Variants in NSMCE2 observed in about 807,000 individuals in gnomAD.
NSMCE2 encodes the protein NSE2 SUMO ligase component of SMC5/6 complex, also known as E3 SUMO-protein ligase NSE2.
NSMCE2 carries 24 observed loss-of-function variants against 23.8 expected under a neutral mutation model. That is an observed-to-expected ratio of 1.01 (90% CI 0.73 to 1.42). NSMCE2 has a LOEUF of 1.42. Among genes scored for constraint, NSMCE2 ranks in the 40% most tolerant of loss-of-function variants. The pLI is 0.00. For missense variants in NSMCE2, 284 were observed against 296.5 expected, an observed-to-expected ratio of 0.96 and a Z score of 0.31; for synonymous variants, 92 against 94.1, an observed-to-expected ratio of 0.98 and a Z score of 0.13.
chr8:125,119,311 T>C (rs1464518297), intron 3 of NSMCE2, among the ~76,000 whole-genome samples: 1 of 152,236 alleles, frequency 6.6e-6, no homozygotes, highest in Non-Finnish European at 1.5e-5. Flanking sequence ...TGTGTTCCCC[T>C]GTTTGCTAAG....
At chr8:125,336,507 G>C (rs1830066917) in intron 5 of NSMCE2, among the ~76,000 whole-genome samples, 1 of 152,214 alleles carries the variant, frequency 6.6e-6, no homozygotes, top group Admixed American at 6.5e-5. Context: ...TATATGCAGA[G>C]TCAGAAGCTA....
intron 3 of NSMCE2, among the ~76,000 whole-genome samples, chr8:125,146,893 TA>T (rs1028920008): frequency 2.6e-5 from 4 of 151,124 alleles, no homozygotes; most frequent in African/African-American, 7.3e-5. Context: ...ACTTAAAGTA[TA>T]AAAAAAACAA....
chr8:125,348,042 T>C (rs1812851593), intron 5 of NSMCE2, among the ~76,000 whole-genome samples: 1 of 152,218 alleles, frequency 6.6e-6, no homozygotes, highest in African/African-American at 2.4e-5. Flanking sequence ...CCTTCCACAG[T>C]ATCTTGTATA....
intron 4 of NSMCE2, among the ~76,000 whole-genome samples, chr8:125,175,693 G>C (rs1822451576): frequency 6.6e-6 from 1 of 152,098 alleles, no homozygotes; most frequent in African/African-American, 2.4e-5. Flanking sequence ...CCCTCCCAGT[G>C]AAACGATGGT....
chr8:125,201,825 T>C (rs1269793524), intron 5 of NSMCE2, among the ~76,000 whole-genome samples: 1 of 152,254 alleles, frequency 6.6e-6, no homozygotes, highest in Non-Finnish European at 1.5e-5. Flanking sequence ...GCAGTAGCCC[T>C]TGATGAGCTG....
intron 5 of NSMCE2, among the ~76,000 whole-genome samples, chr8:125,212,561 G>A (rs368237634): frequency 6.6e-6 from 1 of 152,160 alleles, no homozygotes; most frequent in Admixed American, 6.5e-5. Context: ...GTTCAGGTAC[G>A]TGTTCAGTAC....
chr8:125,139,188 T>C (rs141959159), intron 3 of NSMCE2, among the ~76,000 whole-genome samples: 1 of 152,328 alleles, frequency 6.6e-6, no homozygotes, highest in East Asian at 1.9e-4. Flanking sequence ...TAGGAAATTT[T>C]ACATGGAGTA....
chr8:125,184,406 C>G (rs1822975702), intron 5 of NSMCE2, among the ~76,000 whole-genome samples: 1 of 152,012 alleles, frequency 6.6e-6, no homozygotes, highest in Admixed American at 6.6e-5. Flanking sequence ...CTCAGGCCAC[C>G]AGTACACATT....
At chr8:125,357,576 C>T in intron 6 of NSMCE2, 136 bp from the exon 7 acceptor site, 1 of 702,756 alleles carries the variant, frequency 1.4e-6, no homozygotes, top group South Asian at 1.9e-5. Context: ...CCCTGCATTT[C>T]CTTATCTAAA....
intron 1 of NSMCE2, among the ~76,000 whole-genome samples, chr8:125,098,314 A>G (rs1586418283): frequency 1.3e-5 from 2 of 152,310 alleles, no homozygotes; most frequent in Non-Finnish European, 2.9e-5. Flanking sequence ...TTGCATTTCT[A>G]ACAAGTTCAT....
Position 125,357,814 on chromosome 8 carries a change from G to A in NSMCE2, c.622G>A (p.Ala208Thr), listed in dbSNP as rs1380066503. The change falls in exon 7 of 8, where the codon GCC (alanine) becomes ACC (threonine). Residue 208 changes from alanine to threonine, a missense_variant. Around this residue, in one of 2 missense-constraint regions of NSMCE2, gnomAD observed 102 missense variants for 141.0 expected, o/e 0.72. Transcript: ENST00000287437. Reference sequence around the variant, plus strand: ...GTCCAGGCAAAAGCGGAAGAAAAAGGCCTAGTGAGTGGACGCAGGGAAGGA... The same window carrying A: ...GTCCAGGCAAAAGCGGAAGAAAAAGACCTAGTGAGTGGACGCAGGGAAGGA... ...IESRQKRKKK[A>T]YCPQIGCSHT... 1.2e-6 allele frequency: 2 copies of A among 1,610,298 alleles called. No individual in the cohort carries two copies. Among genetic ancestry groups the A allele is most frequent in the African/African-American group, 1.3e-5 (1 of 74,846 alleles).
chr8:125,283,238 A>G (rs2131133939), intron 5 of NSMCE2, among the ~76,000 whole-genome samples: 1 of 152,344 alleles, frequency 6.6e-6, no homozygotes, highest in South Asian at 2.1e-4. Flanking sequence ...TAATTAAGAA[A>G]ACACTGAACT....
At chr8:125,362,130 T>C (rs1813585157) in intron 7 of NSMCE2, among the ~76,000 whole-genome samples, 1 of 152,222 alleles carries the variant, frequency 6.6e-6, no homozygotes, top group South Asian at 2.1e-4. Flanking sequence ...GGCTGACTCC[T>C]GCACAGCGAT....
intron 5 of NSMCE2, among the ~76,000 whole-genome samples, chr8:125,267,485 C>T (rs149695365): frequency 1.1e-4 from 16 of 152,276 alleles, no homozygotes; most frequent in East Asian, 3.9e-4. Context: ...TTGAATGCTA[C>T]GCTAAGAAAT....
intron 5 of NSMCE2, among the ~76,000 whole-genome samples, chr8:125,270,369 A>T (rs1187455617): frequency 6.6e-6 from 1 of 152,080 alleles, no homozygotes; most frequent in Admixed American, 6.5e-5. Flanking sequence ...GGAGGCTAAG[A>T]CATGAGAATC....
chr8:125,257,436 T>C (rs1330234427), intron 5 of NSMCE2, among the ~76,000 whole-genome samples: 1 of 151,358 alleles, frequency 6.6e-6, no homozygotes, highest in Non-Finnish European at 1.5e-5. Flanking sequence ...ATCTCCTGTG[T>C]CAAATGTAAA....
intron 4 of NSMCE2, among the ~76,000 whole-genome samples, chr8:125,179,320 G>A (rs1315211244): frequency 6.6e-6 from 1 of 152,158 alleles, no homozygotes; most frequent in African/African-American, 2.4e-5. Context: ...CTGGGTGACA[G>A]AGCCCGACCC....
intron 4 of NSMCE2, among the ~76,000 whole-genome samples, chr8:125,170,123 C>T (rs1292194458): frequency 6.6e-6 from 1 of 152,106 alleles, no homozygotes; most frequent in Non-Finnish European, 1.5e-5. Context: ...CTCTCCAAAA[C>T]CACATCTCAG....
chr8:125,157,635 T>C (rs1379227683), intron 4 of NSMCE2, among the ~76,000 whole-genome samples: 1 of 152,202 alleles, frequency 6.6e-6, no homozygotes, highest in African/African-American at 2.4e-5. Context: ...ACTAATTGAA[T>C]TACCTCTATA....
Sources: gnomAD v4.1 joint callset for allele counts (sites outside exome capture counted in the v4.1 genomes callset) on GRCh38, gnomAD v4.1.1 for gene constraint, gnomAD v4.1.1 regional missense constraint, MANE v1.5 for transcripts, NCBI Gene and HGNC (gene_info 2026-07-23, HGNC 2026-07-21) for gene names.